Variants in PSEN2 observed in about 807,000 individuals in gnomAD.
PSEN2 encodes presenilin 2, also known as presenilin-2.
PSEN2 carries 32 observed loss-of-function variants against 49.1 expected under a neutral mutation model. The ratio of observed to expected loss-of-function variants is 0.65; its 90% CI spans 0.49 to 0.88. The LOEUF is 0.88. Ranked by LOEUF, PSEN2 falls within the 40% of genes least tolerant of loss-of-function variation. The pLI, the probability that PSEN2 is intolerant of heterozygous loss-of-function variation, is 0.00. For synonymous variants in PSEN2, 255 were observed against 244.0 expected (o/e 1.05, Z -0.42); for missense variants, 522 against 586.9 (o/e 0.89, Z 1.14).
rs138774925 is a variant in PSEN2, at chr1:226,874,145, A to T, written c.-206-1220A>T. ...GTGATTAGGGAGCATTTCTTGACACATACCTGCCCGTGGTGAAGGCATGTG... is the reference window on the plus strand; with the variant it reads ...GTGATTAGGGAGCATTTCTTGACACTTACCTGCCCGTGGTGAAGGCATGTG... On this transcript the variant is annotated intron_variant, in intron 2 of 12. Coordinates refer to ENST00000366783, the MANE Select transcript of PSEN2 (RefSeq NM_000447.3). Among the ~76,000 whole-genome samples the T allele has an allele frequency of 5.0e-3, 763 of 152,302 alleles. 9 individuals carry two copies. The highest frequency in any genetic ancestry group is 0.017 in the African/African-American group (703 of 41,560).
downstream of PSEN2, chr1:226,898,728 C>T (rs988810292): frequency 6.6e-6 from 1 of 152,260 alleles, no homozygotes; most frequent in Non-Finnish European, 1.5e-5. Flanking sequence ...ATTCTCCTGC[C>T]TCAGCCTCCT....
intron 9 of PSEN2, among the ~76,000 whole-genome samples, chr1:226,890,412 AT>A (rs1437226007): frequency 6.6e-6 from 1 of 152,192 alleles, no homozygotes; most frequent in African/African-American, 2.4e-5. Context: ...CATTCCTGTG[AT>A]CCCGCAGCCA....
At chr1:226,884,597 T>TTTG (rs571611932) in intron 5 of PSEN2, 1 of 152,154 alleles carries the variant, frequency 6.6e-6, no homozygotes, top group Non-Finnish European at 1.5e-5. Flanking sequence ...GTTGGTTTTT[T>TTTG]TTGTTGTTGT....
intron 2 of PSEN2, among the ~76,000 whole-genome samples, chr1:226,873,107 G>A (rs540860628): frequency 2.0e-5 from 3 of 152,098 alleles, no homozygotes; most frequent in East Asian, 3.9e-4. Context: ...AACCCAGGAG[G>A]CGGAGGTTGC....
rs143476339 is a variant in PSEN2 at position 226,872,374 on chromosome 1, T to C, written c.-207+970T>C. Among the ~76,000 whole-genome samples the C allele has an allele frequency of 1.4e-3, 218 of 152,356 alleles. 2 individuals carry two copies. Among genetic ancestry groups the C allele is most frequent in the African/African-American group, 5.1e-3 (214 of 41,578 alleles). ...TTTCAATGACACTGAAATAGTTTAT[T>C]ATTACCTTTTTACAGAAGAGGAAAC... On this transcript the variant is annotated intron_variant, in intron 2 of 12. Transcript: ENST00000366783.
At chr1:226,883,248 C>T (rs1219025919) in intron 4 of PSEN2, among the ~76,000 whole-genome samples, 2 of 152,172 alleles carry the variant, frequency 1.3e-5, no homozygotes, top group Non-Finnish European at 2.9e-5. Flanking sequence ...TCTGCAAATT[C>T]CCAGTATCTT....
rs137981702 is a variant in PSEN2, at chr1:226,874,727, G to A, written c.-206-638G>A. On this transcript the variant is annotated intron_variant, in intron 2 of 12. Transcript: ENST00000366783. ...TTTACAGGTTATCTCTAGGTTTTAC[G>A]ATAATCTTGCAAGGTATGCCTGTTC... 7.0e-3 allele frequency among the ~76,000 whole-genome samples: 1,068 copies of A among 152,268 alleles called. 14 individuals are homozygous for A. Among genetic ancestry groups the A allele is most frequent in the African/African-American group, 0.022 (921 of 41,528 alleles).
chr1:226,880,519 G>GGACA lies in PSEN2; in HGVS notation c.-20-1367_-20-1364dup, dbSNP rs1348218126. ...TCTGGACAGCGATCACTCAGCCTCT[G>GGACA]GACAGCGATCACTCAGCCTCTGGAC... On this transcript the variant is annotated intron_variant, in intron 3 of 12. Coordinates refer to ENST00000366783, the MANE Select transcript of PSEN2 (RefSeq NM_000447.3). The GGACA allele has an allele frequency of 1.1e-4, 156 of 1,364,862 alleles. 3 individuals are homozygous for GGACA. The highest frequency in any genetic ancestry group is 9.5e-4 in the East Asian group (31 of 32,490). The allele number at this position is 1,364,862 out of a possible 1,614,324, so 84.5% of individuals were successfully genotyped here. A position where few individuals can be genotyped will look rare whatever the true frequency, so the allele number is the denominator to read the frequency against.
chr1:226,883,002 A>G (rs779332593), intron 4 of PSEN2, among the ~76,000 whole-genome samples: 4 of 152,196 alleles, frequency 2.6e-5, no homozygotes, highest in Non-Finnish European at 4.4e-5. Flanking sequence ...CTCATTAGCA[A>G]GGCAGCCCAT....
chr1:226,872,354 A>G (rs770796689), intron 2 of PSEN2, among the ~76,000 whole-genome samples: 5 of 152,258 alleles, frequency 3.3e-5, no homozygotes, highest in Non-Finnish European at 5.9e-5. Flanking sequence ...AAGAATTTCA[A>G]TGACACTGAA....
intron 8 of PSEN2, 98 bp from the exon 9 acceptor site, chr1:226,889,937 C>T: frequency 1.1e-6 from 1 of 948,132 alleles, no homozygotes; most frequent in South Asian, 1.3e-5. Flanking sequence ...GCAAGGCATG[C>T]TCTGAGAGCT....
chr1:226,872,588 C>G (rs919820375), intron 2 of PSEN2, among the ~76,000 whole-genome samples: 6 of 152,198 alleles, frequency 3.9e-5, no homozygotes, highest in African/African-American at 1.4e-4. Context: ...GAGCAACTTC[C>G]TGACAAACAA....
At chr1:226,882,089 T>C in intron 4 of PSEN2, 41 bp downstream of exon 4, 2 of 1,611,056 alleles carry the variant, frequency 1.2e-6, no homozygotes, top group Non-Finnish European at 1.7e-6. Flanking sequence ...AACAGGTCCC[T>C]GCGGCTACTG....
chr1:226,885,468 A>C, intron 5 of PSEN2, 70 bp from the exon 6 acceptor site: 1 of 1,574,804 alleles, frequency 6.3e-7, no homozygotes, highest in South Asian at 1.2e-5. Flanking sequence ...CAGGTCCAGA[A>C]TCACTCAAGG....
chr1:226,897,406 A>C (rs757789535), downstream of PSEN2: 2 of 153,352 alleles, frequency 1.3e-5, no homozygotes, highest in Non-Finnish European at 2.9e-5. Context: ...CCTTAAGTAG[A>C]CAGCGAGGGA....
chr1:226,882,017 G>C lies in PSEN2; in HGVS notation c.110G>C (p.Gly37Ala). The C allele has an allele frequency of 6.2e-7, 1 of 1,614,164 alleles. No homozygotes were observed. Among genetic ancestry groups the C allele is most frequent in the Non-Finnish European group, 8.5e-7 (1 of 1,180,040 alleles). ...CGCTCCTGCCAGGAGGGCAGGCAGG[G>C]CCCAGAGGATGGAGAGAACACTGCC... ...TPRSCQEGRQ[G>A]PEDGENTAQW... The change falls in exon 4 of 13, where the codon GGC (glycine) becomes GCC (alanine). Residue 37 changes from glycine to alanine, a missense_variant. Transcript: ENST00000366783.
chr1:226,903,355 G>A (rs1246017838), intron 12 of PSEN2: 1 of 152,162 alleles, frequency 6.6e-6, no homozygotes, highest in Non-Finnish European at 1.5e-5. Context: ...CCTCTTAGAT[G>A]TCTCCCTTGT....
intron 2 of PSEN2, 108 bp downstream of exon 2, chr1:226,871,512 C>T (rs952247447): frequency 2.0e-5 from 3 of 152,184 alleles, no homozygotes; most frequent in African/African-American, 7.2e-5. Context: ...ATAAGTATTC[C>T]CTTTGAAAGG....
downstream of PSEN2, chr1:226,898,063 T>A (rs1482154502): frequency 6.6e-6 from 1 of 152,236 alleles, no homozygotes; most frequent in Non-Finnish European, 1.5e-5. Flanking sequence ...TTCAAGCAAT[T>A]CTCCTGTCTC....
Sources: gnomAD v4.1 joint callset for allele counts (sites outside exome capture counted in the v4.1 genomes callset) on GRCh38, gnomAD v4.1.1 for gene constraint, MANE v1.5 for transcripts, NCBI Gene and HGNC (gene_info 2026-07-23, HGNC 2026-07-21) for gene names.